The following FAM193A variants were observed in gnomAD, a reference collection of about 807,000 sequenced individuals.
FAM193A encodes family with sequence similarity 193 member A.
FAM193A carries 22 observed loss-of-function variants against 126.5 expected under a neutral mutation model. The observed-to-expected ratio is 0.17, with a 90% CI of 0.12 to 0.25. The LOEUF (loss-of-function observed/expected upper bound fraction) is 0.25, where lower values mean the gene tolerates loss of function less well. Ranked by LOEUF, FAM193A falls within the 10% of genes least tolerant of loss-of-function variation. FAM193A has a pLI of 1.00. For missense variants in FAM193A, 1,675 were observed against 1,672.8 expected (o/e 1.00, Z -0.02); for synonymous variants, 761 against 646.8 (o/e 1.18, Z -2.68).
intron 13 of FAM193A, among the ~76,000 whole-genome samples, chr4:2,689,058 T>G (rs1716068040): frequency 1.3e-5 from 2 of 152,244 alleles, no homozygotes; most frequent in Admixed American, 1.3e-4. Context: ...TCATTAGATT[T>G]GTGCTGTACC....
intron 1 of FAM193A, among the ~76,000 whole-genome samples, chr4:2,550,796 T>G (rs1373111245): frequency 4.0e-5 from 6 of 148,598 alleles, no homozygotes; most frequent in African/African-American, 1.5e-4. Flanking sequence ...TATTTATTTA[T>G]TTATTTATTT....
chr4:2,578,620 T>G (rs1012363084), intron 1 of FAM193A, among the ~76,000 whole-genome samples: 1 of 152,016 alleles, frequency 6.6e-6, no homozygotes, highest in African/African-American at 2.4e-5. Context: ...CATTGTGGAG[T>G]CAGAAATTCG....
intron 20 of FAM193A, among the ~76,000 whole-genome samples, chr4:2,719,732 G>A (rs370282068): frequency 2.0e-4 from 26 of 128,792 alleles, no homozygotes; most frequent in African/African-American, 7.3e-4. Context: ...GCAACAGAGA[G>A]ACACTCTCAA....
chr4:2,597,529 T>A (rs1366498277), intron 2 of FAM193A, among the ~76,000 whole-genome samples: 1 of 152,182 alleles, frequency 6.6e-6, no homozygotes, highest in Non-Finnish European at 1.5e-5. Context: ...GTGCCTATGG[T>A]TCCCTGCAGT....
In FAM193A at chr4:2,732,140, G is replaced by A. The variant is rs951408637; in HGVS notation, c.*272G>A. 10 of 483,896 alleles carry A rather than the reference G, an allele frequency of 2.1e-5. No individual in the cohort carries two copies. The highest frequency in any genetic ancestry group is 6.8e-5 in the Admixed American group (2 of 29,358). 30.0% of individuals were successfully genotyped at this position (483,896 alleles called of 1,614,324 possible). ...CAAGTCCTCCCACCACCGCGGCCTC[G>A]GAGGCCTGGGCCGTGGCCAGATAGG... On this transcript the variant is annotated 3_prime_UTR_variant, in exon 21 of 21. Coordinates refer to ENST00000637812, the MANE Select transcript of FAM193A (RefSeq NM_001366318.2).
intron 19 of FAM193A, among the ~76,000 whole-genome samples, chr4:2,707,710 C>CT (rs1409431952): frequency 8.6e-5 from 12 of 139,292 alleles, no homozygotes; most frequent in Non-Finnish European, 1.2e-4. Context: ...GATTATATTT[C>CT]TTATTTTTTT....
intron 13 of FAM193A, among the ~76,000 whole-genome samples, chr4:2,687,341 G>A (rs1049006667): frequency 6.6e-6 from 1 of 152,172 alleles, no homozygotes; most frequent in Non-Finnish European, 1.5e-5. Context: ...CTTACTATGG[G>A]CCAGGCAGTG....
intron 1 of FAM193A, among the ~76,000 whole-genome samples, chr4:2,553,213 C>T (rs1256073217): frequency 6.6e-6 from 1 of 152,034 alleles, no homozygotes; most frequent in African/African-American, 2.4e-5. Flanking sequence ...GCTGTAGCTC[C>T]AGCTACTCAG....
At chr4:2,665,067 A>G (rs1419649344) in intron 12 of FAM193A, among the ~76,000 whole-genome samples, 1 of 152,220 alleles carries the variant, frequency 6.6e-6, no homozygotes. Flanking sequence ...AGATCAATTT[A>G]GGGAGAATGC....
At chr4:2,683,703 T>G (rs903173251) in intron 13 of FAM193A, among the ~76,000 whole-genome samples, 3 of 152,266 alleles carry the variant, frequency 2.0e-5, no homozygotes, top group Non-Finnish European at 4.4e-5. Context: ...GGATCTGTGC[T>G]GTCAGTTGTT....
At position 2,596,132 on chromosome 4, in the gene FAM193A, G is replaced by C. The variant is rs1740847508; in HGVS notation, c.304G>C (p.Gly102Arg). Residue 102 changes from glycine (G) to arginine (R), a missense_variant, in exon 2 of 21, where the codon GGG (glycine) becomes CGG (arginine). Around this residue, in one of 4 missense-constraint regions of FAM193A, gnomAD observed 1,186 missense variants for 1,109.2 expected, o/e 1.07. Coordinates refer to ENST00000637812, the MANE Select transcript of FAM193A (RefSeq NM_001366318.2). The stretch of plus-strand genomic sequence containing the variant: ...TCATAGGACACCACCCTACCCTGCT[G>C]GGGATTATTGTCTTCTGTGCAGAAG... ...MNHRTPPYPA[G>R]DYCLLCRSER... 1 of 702,914 alleles carries C rather than the reference G, an allele frequency of 1.4e-6. No individual in the cohort carries two copies. Among genetic ancestry groups the C allele is most frequent in the East Asian group, 2.7e-5 (1 of 37,278 alleles). The allele number at this position is 702,914 out of a possible 1,614,324, so 43.5% of individuals were successfully genotyped here.
chr4:2,632,930 C>G (rs1331751533), intron 5 of FAM193A, among the ~76,000 whole-genome samples: 1 of 152,130 alleles, frequency 6.6e-6, no homozygotes, highest in Admixed American at 6.6e-5. Context: ...AACCTGGTGC[C>G]CAGAGAGACT....
chr4:2,682,089 A>G (rs1427742536), intron 13 of FAM193A, among the ~76,000 whole-genome samples: 2 of 143,874 alleles, frequency 1.4e-5, no homozygotes, highest in Non-Finnish European at 3.0e-5. Context: ...AGTTCACACC[A>G]TTCTCCTGCC....
intron 5 of FAM193A, among the ~76,000 whole-genome samples, chr4:2,639,431 C>T (rs1310467596): frequency 6.6e-6 from 1 of 152,136 alleles, no homozygotes; most frequent in Non-Finnish European, 1.5e-5. Context: ...GACTCTCAAA[C>T]GTGCAGTTAC....
At chr4:2,660,412 T>C (rs1712291494) in intron 10 of FAM193A, among the ~76,000 whole-genome samples, 1 of 152,202 alleles carries the variant, frequency 6.6e-6, no homozygotes. Context: ...GCTTGTTTCA[T>C]GTCTTGCTAA....
chr4:2,541,912 CT>C (rs1737257979), intron 1 of FAM193A, among the ~76,000 whole-genome samples: 1 of 151,942 alleles, frequency 6.6e-6, no homozygotes, highest in African/African-American at 2.4e-5. Context: ...CTCACTGCAA[CT>C]TCTGCCTCCT....
intron 1 of FAM193A, among the ~76,000 whole-genome samples, chr4:2,545,798 C>T (rs1221158590): frequency 6.6e-6 from 1 of 152,132 alleles, no homozygotes; most frequent in African/African-American, 2.4e-5. Context: ...GCTCCCACCT[C>T]AGCCTCCCAG....
chr4:2,606,135 C>T (rs1454953027), intron 2 of FAM193A, among the ~76,000 whole-genome samples: 1 of 139,760 alleles, frequency 7.2e-6, no homozygotes, highest in African/African-American at 2.7e-5. Flanking sequence ...ACTGCAACCT[C>T]TGCTGCCTGG....
intron 7 of FAM193A, among the ~76,000 whole-genome samples, chr4:2,649,042 C>T (rs1241157506): frequency 3.9e-5 from 6 of 152,164 alleles, no homozygotes; most frequent in Admixed American, 3.9e-4. Context: ...GTTGTGTGAG[C>T]TTTTAATTCC....
Sources: gnomAD v4.1 joint callset for allele counts (sites outside exome capture counted in the v4.1 genomes callset) on GRCh38, gnomAD v4.1.1 for gene constraint, gnomAD v4.1.1 regional missense constraint, MANE v1.5 for transcripts, NCBI Gene and HGNC (gene_info 2026-07-23, HGNC 2026-07-21) for gene names.